TPD52L1: variants seen among roughly 807,000 people sequenced by gnomAD.
TPD52L1 encodes the protein tumor protein D53.
A neutral mutation model predicts 28.7 loss-of-function variants in TPD52L1; 18 were observed. The ratio of observed to expected loss-of-function variants is 0.63; its 90% CI spans 0.43 to 0.93. TPD52L1 has a LOEUF of 0.93. TPD52L1 is among the 40% of genes least tolerant of loss of function. TPD52L1 has a pLI of 0.00. For synonymous variants in TPD52L1, 75 were observed against 88.8 expected (o/e 0.84, Z 0.88); for missense variants, 203 against 254.8 (o/e 0.80, Z 1.39).
At chr6:125,198,610 C>T (rs944126992) in intron 1 of TPD52L1, among the ~76,000 whole-genome samples, 8 of 152,206 alleles carry the variant, frequency 5.3e-5, no homozygotes, top group Non-Finnish European at 7.3e-5. Context: ...CAATTTTCCT[C>T]TTTATAAATT....
intron 1 of TPD52L1, among the ~76,000 whole-genome samples, chr6:125,175,024 T>C (rs1342749530): frequency 6.6e-6 from 1 of 152,188 alleles, no homozygotes; most frequent in Admixed American, 6.5e-5. Flanking sequence ...TATATGTGTG[T>C]GTGTGTGTAT....
chr6:125,255,393 G>A (rs567236072), intron 5 of TPD52L1, among the ~76,000 whole-genome samples: 24 of 152,276 alleles, frequency 1.6e-4, no homozygotes, highest in Admixed American at 1.5e-3. Flanking sequence ...TACTTTTTGA[G>A]TCATGCAAGT....
At chr6:125,185,786 T>G (rs942739266) in intron 1 of TPD52L1, among the ~76,000 whole-genome samples, 1 of 152,092 alleles carries the variant, frequency 6.6e-6, no homozygotes, top group Non-Finnish European at 1.5e-5. Context: ...AAACCCCCTC[T>G]GAAACCTTTC....
intron 1 of TPD52L1, among the ~76,000 whole-genome samples, chr6:125,180,146 C>T (rs888671951): frequency 1.3e-5 from 2 of 152,190 alleles, no homozygotes; most frequent in African/African-American, 4.8e-5. Context: ...CTGTTGTACT[C>T]AGAGGCTTTG....
At chr6:125,229,407 G>T in intron 3 of TPD52L1, 141 bp downstream of exon 3, 1 of 790,428 alleles carries the variant, frequency 1.3e-6, no homozygotes, top group Non-Finnish European at 1.9e-6. Context: ...GCAAAGCAAA[G>T]AAATGTGAAT....
intron 1 of TPD52L1, among the ~76,000 whole-genome samples, chr6:125,168,906 A>G (rs768615592): frequency 6.6e-6 from 1 of 152,184 alleles, no homozygotes; most frequent in Non-Finnish European, 1.5e-5. Context: ...TAATGGCCCC[A>G]TATAATAGCT....
chr6:125,205,731 T>A (rs749366938), intron 1 of TPD52L1, among the ~76,000 whole-genome samples: 10 of 152,342 alleles, frequency 6.6e-5, no homozygotes, highest in Middle Eastern at 3.4e-3. Flanking sequence ...TGAATTTTGG[T>A]GACTTAATAA....
intron 1 of TPD52L1, chr6:125,203,856 C>A: frequency 1.1e-6 from 1 of 896,320 alleles, no homozygotes; most frequent in Non-Finnish European, 1.3e-6. Flanking sequence ...CCTTGACCTA[C>A]TTCTAAAACA....
chr6:125,186,616 A>C (rs1273910088), intron 1 of TPD52L1, among the ~76,000 whole-genome samples: 1 of 152,202 alleles, frequency 6.6e-6, no homozygotes. Flanking sequence ...CACATGACAA[A>C]GTGTTATGAT....
At chr6:125,188,379 C>G (rs1431824068) in intron 1 of TPD52L1, among the ~76,000 whole-genome samples, 2 of 152,152 alleles carry the variant, frequency 1.3e-5, no homozygotes, top group East Asian at 3.8e-4. Context: ...CCTGTTTACT[C>G]CTACCCTTAC....
chr6:125,251,962 C>A (rs1204147130), intron 4 of TPD52L1: 15 of 1,528,658 alleles, frequency 9.8e-6, no homozygotes, highest in African/African-American at 1.4e-5. Context: ...TGCAGTGTTT[C>A]TCTGCCTCCT....
At chr6:125,167,368 A>G (rs1248192081) in intron 1 of TPD52L1, among the ~76,000 whole-genome samples, 3 of 152,166 alleles carry the variant, frequency 2.0e-5, no homozygotes, top group Non-Finnish European at 4.4e-5. Flanking sequence ...CAATATATGA[A>G]GGGCATTACC....
intron 1 of TPD52L1, among the ~76,000 whole-genome samples, chr6:125,157,289 A>T (rs1790202786): frequency 6.6e-6 from 1 of 152,232 alleles, no homozygotes; most frequent in East Asian, 1.9e-4. Context: ...TATGGACATG[A>T]TTCGCCCATA....
At chr6:125,241,770 C>A (rs774692245) in intron 3 of TPD52L1, among the ~76,000 whole-genome samples, 35 of 151,332 alleles carry the variant, frequency 2.3e-4, no homozygotes, top group Non-Finnish European at 4.1e-4. Flanking sequence ...TTTGAAGAAT[C>A]AGCTTTTTGT....
At chr6:125,254,216 G>A (rs1197862019) in intron 5 of TPD52L1, among the ~76,000 whole-genome samples, 1 of 152,190 alleles carries the variant, frequency 6.6e-6, no homozygotes, top group African/African-American at 2.4e-5. Flanking sequence ...GATTTTTAAG[G>A]TGGATATTAA....
At chr6:125,227,333 A>G (rs912574893) in intron 2 of TPD52L1, among the ~76,000 whole-genome samples, 3 of 151,514 alleles carry the variant, frequency 2.0e-5, no homozygotes, top group African/African-American at 7.3e-5. Flanking sequence ...CTAGTGAAAG[A>G]CTGGGGGGTT....
intron 1 of TPD52L1, among the ~76,000 whole-genome samples, chr6:125,164,618 A>C (rs1220735330): frequency 6.6e-6 from 1 of 152,228 alleles, no homozygotes; most frequent in Admixed American, 6.5e-5. Context: ...ACCCCAAAAA[A>C]GAAAGCATTT....
intron 1 of TPD52L1, among the ~76,000 whole-genome samples, chr6:125,201,197 C>T (rs1793781740): frequency 6.6e-6 from 1 of 152,126 alleles, no homozygotes; most frequent in Non-Finnish European, 1.5e-5. Context: ...ATTTAATTAT[C>T]TCTAGCCATT....
At chr6:125,184,835 T>C (rs1022578432) in intron 1 of TPD52L1, among the ~76,000 whole-genome samples, 2 of 150,122 alleles carry the variant, frequency 1.3e-5, no homozygotes, top group African/African-American at 4.9e-5. Flanking sequence ...ATTGTAAATA[T>C]AAAATAAGAA....
Sources: allele counts gnomAD v4.1 joint callset (sites outside exome capture counted in the v4.1 genomes callset), GRCh38; gene constraint gnomAD v4.1.1; transcripts MANE v1.5; gene names NCBI Gene and HGNC (gene_info 2026-07-23, HGNC 2026-07-21).